The following RABL3 variants were observed in gnomAD, a reference collection of about 807,000 sequenced individuals.
RABL3 encodes the protein RAB, member of RAS oncogene family like 3.
A neutral mutation model predicts 31.8 loss-of-function variants in RABL3; 31 were observed. The observed-to-expected ratio is 0.97, with a 90% CI of 0.73 to 1.31. RABL3 has a LOEUF of 1.31. Ranked by LOEUF, RABL3 falls within the 40% of genes most tolerant of loss-of-function variation. RABL3 has a pLI of 0.00. For missense variants in RABL3, 263 were observed against 279.6 expected (o/e 0.94, Z 0.42); for synonymous variants, 97 against 99.9 (o/e 0.97, Z 0.18).
At position 120,742,512 on chromosome 3, in the gene RABL3, C is replaced by T. The variant is rs969264301; in HGVS notation, c.-5G>A. ...CACCCGATCCAGGGACGCCATCTTG[C>T]CACTGCCTTCCCTGGGTTAACGCCT... is the stretch of plus-strand genomic sequence containing the variant. On this transcript the variant is annotated 5_prime_UTR_variant, in exon 1 of 8. Coordinates refer to ENST00000273375, the MANE Select transcript of RABL3 (RefSeq NM_173825.5). 6.2e-7 allele frequency: 1 copy of T among 1,614,160 alleles called. No individual in the cohort carries two copies. Among genetic ancestry groups the T allele is most frequent in the Non-Finnish European group, 8.5e-7 (1 of 1,179,972 alleles).
chr3:120,732,766 A>G (rs1255805891), intron 1 of RABL3, among the ~76,000 whole-genome samples: 1 of 133,670 alleles, frequency 7.5e-6, no homozygotes, highest in Non-Finnish European at 1.5e-5. Context: ...CCTGTGTCCA[A>G]GTGTTCTCAT....
intron 2 of RABL3, among the ~76,000 whole-genome samples, chr3:120,728,469 A>G (rs956812672): frequency 6.6e-6 from 1 of 152,196 alleles, no homozygotes; most frequent in African/African-American, 2.4e-5. Flanking sequence ...AATCGGAGCT[A>G]GAAAAATCCA....
intron 3 of RABL3, among the ~76,000 whole-genome samples, 170 bp from the exon 4 acceptor site, chr3:120,706,284 T>C (rs1411085756): frequency 6.6e-6 from 1 of 152,188 alleles, no homozygotes; most frequent in Non-Finnish European, 1.5e-5. Flanking sequence ...TACAAATATT[T>C]ATAAATAGCC....
chr3:120,695,415 G>A (rs1004417625), intron 5 of RABL3, among the ~76,000 whole-genome samples: 1 of 152,042 alleles, frequency 6.6e-6, no homozygotes, highest in African/African-American at 2.4e-5. Flanking sequence ...ACTGGTTAGG[G>A]TACTAAACCT....
intron 1 of RABL3, among the ~76,000 whole-genome samples, chr3:120,737,522 T>C (rs1708984794): frequency 6.6e-6 from 1 of 152,254 alleles, no homozygotes; most frequent in South Asian, 2.1e-4. Flanking sequence ...TTCTCTCAAC[T>C]TGTGAAAGTC....
rs6801568 is a variant in RABL3, at chr3:120,685,404, C to T, written c.*4419G>A. Among the ~76,000 whole-genome samples the T allele has an allele frequency of 0.71, 107,269 of 151,938 alleles. 37,918 individuals carry two copies. Among genetic ancestry groups the T allele is most frequent in the Admixed American group, 0.76 (11,614 of 15,272 alleles). On this transcript the variant is annotated 3_prime_UTR_variant, in exon 8 of 8. Transcript: ENST00000273375. ...CTTTGTCATTAGTTATTGATGACCT[C>T]GGTAAAGCTTAGTGATTAGCCAGCT...
chr3:120,692,450 G>A (rs536520603), intron 6 of RABL3, among the ~76,000 whole-genome samples: 11 of 152,188 alleles, frequency 7.2e-5, no homozygotes, highest in South Asian at 6.2e-4. Context: ...TGCCCGCCTC[G>A]GCCTCCCAAA....
chr3:120,723,647 C>G (rs540286844), intron 2 of RABL3, among the ~76,000 whole-genome samples: 51 of 152,062 alleles, frequency 3.4e-4, no homozygotes, highest in Non-Finnish European at 5.7e-4. Context: ...GTTCAACATA[C>G]GCAAATCAAT....
chr3:120,712,027 A>G lies in RABL3; in HGVS notation c.139-2118T>C, dbSNP rs55724059. Among the ~76,000 whole-genome samples the G allele has an allele frequency of 7.5e-3, 1,143 of 152,316 alleles. 12 individuals are homozygous for G. Among genetic ancestry groups the G allele is most frequent in the African/African-American group, 0.026 (1,080 of 41,568 alleles). ...TAAAGTATCTACTGGCTTTGACATA[A>G]TAATTAAAAAAACAAGATAGCTCAG... On this transcript the variant is annotated intron_variant, in intron 2 of 7. Transcript: ENST00000273375.
chr3:120,703,693 C>T (rs540318212), intron 4 of RABL3, among the ~76,000 whole-genome samples: 2 of 151,610 alleles, frequency 1.3e-5, no homozygotes, highest in Admixed American at 6.6e-5. Context: ...AAAGAGAAGA[C>T]ATAAAATACC....
chr3:120,725,543 A>G (rs1248161565), intron 2 of RABL3, among the ~76,000 whole-genome samples: 2 of 152,258 alleles, frequency 1.3e-5, no homozygotes, highest in East Asian at 3.8e-4. Flanking sequence ...ACTTGGAACC[A>G]ACCCAAATGT....
At chr3:120,729,974 A>G (rs60518978) in intron 2 of RABL3, among the ~76,000 whole-genome samples, 1 of 152,190 alleles carries the variant, frequency 6.6e-6, no homozygotes, top group Admixed American at 6.5e-5. Flanking sequence ...TTAAAAAAAA[A>G]CACAAAAAAT....
chr3:120,694,966 T>TC (rs899749037), intron 5 of RABL3, among the ~76,000 whole-genome samples: 2 of 151,728 alleles, frequency 1.3e-5, no homozygotes, highest in African/African-American at 4.8e-5. Context: ...TAGCTGTTTT[T>TC]TTTTTTTTTT....
rs777627274 is a variant in RABL3 at position 120,742,435 on chromosome 3, GC to G, written c.46+26del. On this transcript the variant is annotated intron_variant, in intron 1 of 7. Coordinates refer to ENST00000273375, the MANE Select transcript of RABL3 (RefSeq NM_173825.5). ...ACTGGGTAACTCAAAAGTGTCTGGA[GC>G]CCCAGAGGTAGGGTAAGCCGCTCAC... is the stretch of plus-strand genomic sequence containing the variant. The G allele has an allele frequency of 2.5e-6, 4 of 1,611,034 alleles. No individual in the cohort carries two copies. In the Admixed American group the frequency reaches 5.0e-5, roughly 20 times the overall value.
At chr3:120,730,523 G>T (rs189007993) in intron 2 of RABL3, among the ~76,000 whole-genome samples, 173 bp downstream of exon 2, 85 of 152,262 alleles carry the variant, frequency 5.6e-4, no homozygotes, top group African/African-American at 1.8e-3. Context: ...TTAAAAAGGT[G>T]AAATAAGAAG....
intron 2 of RABL3, among the ~76,000 whole-genome samples, chr3:120,728,503 G>C (rs926883950): frequency 5.9e-5 from 9 of 152,080 alleles, no homozygotes; most frequent in African/African-American, 1.9e-4. Context: ...TCCAGAACTT[G>C]CTATTGGGTC....
rs1230072829 is a variant in RABL3 at position 120,687,154 on chromosome 3, AG to A, written c.*2668del. ...TAAGTCTTATACACCTAAGGGACAGAGGAGTAGTCATATATATGCCTTCATA... is the reference window on the plus strand; with the variant it reads ...TAAGTCTTATACACCTAAGGGACAGAGAGTAGTCATATATATGCCTTCATA... On this transcript the variant is annotated 3_prime_UTR_variant, in exon 8 of 8. Transcript: ENST00000273375. The A allele has an allele frequency of 4.6e-5, 7 of 152,242 alleles. No homozygotes were observed. Among genetic ancestry groups the A allele is most frequent in the African/African-American group, 1.7e-4 (7 of 41,464 alleles). The allele number at this position is 152,242 out of a possible 1,614,324, so 9.4% of individuals were successfully genotyped here.
At chr3:120,725,670 C>T (rs2107592346) in intron 2 of RABL3, among the ~76,000 whole-genome samples, 1 of 152,198 alleles carries the variant, frequency 6.6e-6, no homozygotes, top group South Asian at 2.1e-4. Flanking sequence ...AGCTGGAAAC[C>T]ATCATTCTCA....
rs1474567402 is a variant in RABL3, at chr3:120,688,459, T to C, written c.*1364A>G. ...CCCAAGACTGCCTTTCTAAAAGGAC[T>C]CTCTAACATTCTTATTTTAATATCC... On this transcript the variant is annotated 3_prime_UTR_variant, in exon 8 of 8. Transcript: ENST00000273375. The C allele has an allele frequency of 6.6e-6, 1 of 152,418 alleles. No individual in the cohort carries two copies. The highest frequency in any genetic ancestry group is 2.4e-5 in the African/African-American group (1 of 41,460). 9.4% of individuals were successfully genotyped at this position (152,418 alleles called of 1,614,324 possible). A position where few individuals can be genotyped will look rare whatever the true frequency, so the allele number is the denominator to read the frequency against.
Sources: allele counts gnomAD v4.1 joint callset (sites outside exome capture counted in the v4.1 genomes callset), GRCh38; gene constraint gnomAD v4.1.1; transcripts MANE v1.5; gene names NCBI Gene and HGNC (gene_info 2026-07-23, HGNC 2026-07-21).